CENPK: variants seen among roughly 807,000 people sequenced by gnomAD.
CENPK encodes the protein SoxLZ/Sox6-binding protein Solt.
CENPK carries 46 observed loss-of-function variants against 40.9 expected under a neutral mutation model. The observed-to-expected ratio is 1.13, with a 90% confidence interval of 0.89 to 1.44. The LOEUF (loss-of-function observed/expected upper bound fraction) is 1.44. CENPK is among the 40% of genes most tolerant of loss of function. The pLI is 0.00. For missense variants in CENPK, 288 were observed against 303.5 expected (o/e 0.95, Z 0.38); for synonymous variants, 107 against 104.4 (o/e 1.02, Z -0.15).
the CENPK span, among the ~76,000 whole-genome samples, chr5:65,504,659 T>C: frequency 6.6e-6 from 1 of 152,194 alleles, no homozygotes; most frequent in Admixed American, 6.5e-5. Flanking sequence ...AATTTTCCTT[T>C]AAACATATAT....
rs746181867 is a variant in CENPK at position 65,518,495 on chromosome 5, A to T, written c.790T>A (p.Leu264Ile). The T allele has an allele frequency of 1.2e-6, 2 of 1,611,710 alleles. No individual in the cohort carries two copies. Among genetic ancestry groups the T allele is most frequent in the Admixed American group, 3.4e-5 (2 of 59,244 alleles). ...TCCTTTTACTGATGGAAAGCTTCTA[A>T]TCTTATTCGGGTTGGATCTTCTGGA... ...RHPEDPTRIR[L>I]EAFHQ is the part of the protein sequence containing the mutation. Residue 264 changes from leucine to isoleucine, a missense_variant, in exon 11 of 11, where the codon TTA becomes ATA. Transcript: ENST00000396679.
At chr5:65,527,871 T>C (rs534916425) in intron 9 of CENPK, among the ~76,000 whole-genome samples, 1 of 152,274 alleles carries the variant, frequency 6.6e-6, no homozygotes, top group Middle Eastern at 3.4e-3. Flanking sequence ...ATTAACTTCT[T>C]TGAAGGTGTT....
At chr5:65,548,825 G>C (rs1263273152) in intron 5 of CENPK, among the ~76,000 whole-genome samples, 1 of 152,078 alleles carries the variant, frequency 6.6e-6, no homozygotes, top group African/African-American at 2.4e-5. Context: ...ATTCTAGTTA[G>C]ATACTTCTAC....
At chr5:65,503,251 C>T in the CENPK span, among the ~76,000 whole-genome samples, 2 of 151,720 alleles carry the variant, frequency 1.3e-5, no homozygotes, top group Non-Finnish European at 2.9e-5. Context: ...GGATTACAGG[C>T]ACACACCACC....
intron 9 of CENPK, among the ~76,000 whole-genome samples, chr5:65,527,382 T>C (rs954384535): frequency 6.6e-6 from 1 of 150,976 alleles, no homozygotes; most frequent in Non-Finnish European, 1.5e-5. Context: ...AATGAAGAGA[T>C]TTCTAAGGAG....
At chr5:65,537,472 T>C (rs1279453545) in intron 6 of CENPK, among the ~76,000 whole-genome samples, 5 of 152,176 alleles carry the variant, frequency 3.3e-5, no homozygotes, top group African/African-American at 1.2e-4. Flanking sequence ...GCCCAGCTAA[T>C]TTTTTTGTAT....
chr5:65,518,376 C>T lies in CENPK; in HGVS notation c.*99G>A. 2.5e-6 allele frequency: 3 copies of T among 1,184,390 alleles called. No homozygotes were observed. The highest frequency in any genetic ancestry group is 2.4e-6 in the Non-Finnish European group (2 of 827,260). The allele number at this position is 1,184,390 out of a possible 1,614,324, so 73.4% of individuals were successfully genotyped here. A position where few individuals can be genotyped will look rare whatever the true frequency, so the allele number is the denominator to read the frequency against. On this transcript the variant is annotated 3_prime_UTR_variant, in exon 11 of 11. Transcript: ENST00000396679. ...CAATAAAAGTAAGATGGCCTATGCG[C>T]ATTAATTTGCAAATAATGTTTTTTA...
intron 6 of CENPK, among the ~76,000 whole-genome samples, chr5:65,530,610 T>C (rs997746574): frequency 1.6e-4 from 25 of 152,218 alleles, no homozygotes; most frequent in African/African-American, 6.0e-4. Context: ...TTTTTCTAAA[T>C]ATAAATCAGT....
intron 9 of CENPK, among the ~76,000 whole-genome samples, chr5:65,522,305 C>T (rs1312151183): frequency 5.9e-5 from 9 of 152,168 alleles, no homozygotes; most frequent in Non-Finnish European, 1.5e-5. Flanking sequence ...TTCCTTGGAA[C>T]GACGAGAATA....
chr5:65,504,519 TTTA>T, the CENPK span, among the ~76,000 whole-genome samples: 310 of 151,850 alleles, frequency 2.0e-3, no homozygotes, highest in African/African-American at 7.3e-3. Context: ...CTACCAGATG[TTTA>T]TTACTTACTT....
At chr5:65,519,587 C>T (rs373524473) in intron 10 of CENPK, among the ~76,000 whole-genome samples, 4 of 152,004 alleles carry the variant, frequency 2.6e-5, no homozygotes, top group East Asian at 3.9e-4. Flanking sequence ...CTGAAAGATG[C>T]TATTATTTTA....
At chr5:65,551,523 A>G (rs1455976415) in intron 5 of CENPK, 41 bp downstream of exon 5, 5 of 1,085,010 alleles carry the variant, frequency 4.6e-6, no homozygotes, top group Non-Finnish European at 6.7e-6. Flanking sequence ...TTTGCTATTA[A>G]TAGGTTTACA....
intron 5 of CENPK, among the ~76,000 whole-genome samples, chr5:65,543,253 CATTTT>C (rs1313140875): frequency 4.6e-5 from 7 of 152,194 alleles, no homozygotes; most frequent in Admixed American, 3.9e-4. Flanking sequence ...GTGCAGTTTT[CATTTT>C]ATTTATTTTT....
Position 65,524,060 on chromosome 5 carries a change from C to T in CENPK, c.598-2532G>A, listed in dbSNP as rs80221105. On this transcript the variant is annotated intron_variant, in intron 9 of 10. Coordinates refer to ENST00000396679, the MANE Select transcript of CENPK (RefSeq NM_022145.5). ...TGTCAAAGAAACTCATCAAACCAAGCGAAGGATTAAACTTAACAACTCTTG... is the reference window on the plus strand; with the variant it reads ...TGTCAAAGAAACTCATCAAACCAAGTGAAGGATTAAACTTAACAACTCTTG... 7.9e-3 allele frequency among the ~76,000 whole-genome samples: 1,203 copies of T among 152,166 alleles called. 7 individuals carry two copies. The highest frequency in any genetic ancestry group is 0.018 in the South Asian group (87 of 4,822).
chr5:65,539,440 C>T (rs551720667), intron 6 of CENPK, among the ~76,000 whole-genome samples: 82 of 152,220 alleles, frequency 5.4e-4, no homozygotes, highest in Non-Finnish European at 9.3e-4. Flanking sequence ...ATAGACATTC[C>T]TATTCCAAAA....
intron 7 of CENPK, 39 bp downstream of exon 7, chr5:65,529,078 A>G (rs768023361): frequency 6.5e-6 from 10 of 1,538,900 alleles, no homozygotes; most frequent in Admixed American, 1.7e-5. Context: ...GTCACTTAAT[A>G]TATATGAATG....
In CENPK at chr5:65,534,943, C is replaced by T. The variant is rs183466182; in HGVS notation, c.289-5744G>A. On this transcript the variant is annotated intron_variant, in intron 6 of 10. Transcript: ENST00000396679. ...ACAGAGAAAATGAAAAGAAGTCGGG[C>T]ACCATGGCTCATGCCTGTAGTTCCA... Among the ~76,000 whole-genome samples the T allele has an allele frequency of 2.0e-4, 30 of 152,198 alleles. No homozygotes were observed. In the South Asian group the frequency reaches 5.4e-3, roughly 27 times the overall value.
intron 6 of CENPK, among the ~76,000 whole-genome samples, chr5:65,531,133 G>A (rs183793085): frequency 6.6e-6 from 1 of 152,140 alleles, no homozygotes; most frequent in East Asian, 1.9e-4. Context: ...CCCAGCCTGG[G>A]CAACGGAGCA....
chr5:65,515,655 T>C (rs1315585365), downstream of CENPK, among the ~76,000 whole-genome samples: 5 of 152,238 alleles, frequency 3.3e-5, no homozygotes, highest in African/African-American at 1.2e-4. Context: ...ATTTCTAGTT[T>C]AATTCCTTTG....
Sources: allele counts gnomAD v4.1 joint callset (sites outside exome capture counted in the v4.1 genomes callset), GRCh38; gene constraint gnomAD v4.1.1; transcripts MANE v1.5; gene names NCBI Gene and HGNC (gene_info 2026-07-23, HGNC 2026-07-21).